Variants in CAPN12 observed in about 807,000 individuals in gnomAD.
CAPN12 encodes calpain-12.
CAPN12 carries 107 observed loss-of-function variants against 95.0 expected under a neutral mutation model. That is an observed-to-expected ratio of 1.13 (90% confidence interval 0.96 to 1.32). The LOEUF (loss-of-function observed/expected upper bound fraction) is 1.32. Among genes scored for constraint, CAPN12 ranks in the 40% most tolerant of loss-of-function variants. The pLI, the probability that CAPN12 is intolerant of heterozygous loss-of-function variation, is 0.00. For synonymous variants in CAPN12, 505 were observed against 415.5 expected (o/e 1.22, Z -2.62); for missense variants, 1,136 against 997.8 (o/e 1.14, Z -1.87).
At chr19:38,733,645 A>G in intron 18 of CAPN12, 58 bp downstream of exon 18, 1 of 1,472,056 alleles carries the variant, frequency 6.8e-7, no homozygotes, top group Non-Finnish European at 9.5e-7. Context: ...ACTTGGAGAC[A>G]ATGGGATGGG....
At chr19:38,732,622 T>G (rs1969710109) in intron 18 of CAPN12, among the ~76,000 whole-genome samples, 1 of 152,210 alleles carries the variant, frequency 6.6e-6, no homozygotes, top group Non-Finnish European at 1.5e-5. Flanking sequence ...ATTACAGGCG[T>G]GAGCCACCAC....
At chr19:38,741,990 C>T in intron 3 of CAPN12, 80 bp from the exon 4 acceptor site, 1 of 1,559,856 alleles carries the variant, frequency 6.4e-7, no homozygotes, top group Non-Finnish European at 8.7e-7. Context: ...GTGCCAGTCC[C>T]AGAGTCAGGA....
Position 38,730,891 on chromosome 19 carries a change from A to AGGAT in CAPN12, c.2134-14_2134-13insATCC. The AGGAT allele has an allele frequency of 6.4e-7, 1 of 1,551,590 alleles. No individual in the cohort carries two copies. Among genetic ancestry groups the AGGAT allele is most frequent in the Non-Finnish European group, 8.7e-7 (1 of 1,147,396 alleles). On this transcript the variant is annotated splice_polypyrimidine_tract_variant and intron_variant, in intron 20 of 20. Coordinates refer to ENST00000328867, the MANE Select transcript of CAPN12 (RefSeq NM_144691.4). ...CCACCTCCATCCACTAAGGAAGAGA[A>AGGAT]GGAAGACAGTGGCTTGAGGCAGGGA... is the stretch of plus-strand genomic sequence containing the variant.
chr19:38,737,401 G>GA lies in CAPN12; in HGVS notation c.1130-14dup. The GA allele has an allele frequency of 6.2e-7, 1 of 1,608,554 alleles. No individual in the cohort carries two copies. Among genetic ancestry groups the GA allele is most frequent in the Non-Finnish European group, 8.5e-7 (1 of 1,178,064 alleles). On this transcript the variant is annotated splice_polypyrimidine_tract_variant and intron_variant, in intron 9 of 20. Coordinates refer to ENST00000328867, the MANE Select transcript of CAPN12 (RefSeq NM_144691.4). Reference sequence around the variant, plus strand: ...GTCCAGAAGGTTTCTAAGGGAGGAGGAAAAAAGGGGGTTTCCTAGCCGGCC... The same window carrying GA: ...GTCCAGAAGGTTTCTAAGGGAGGAGGAAAAAAAGGGGGTTTCCTAGCCGGCC...
chr19:38,731,173 C>G lies in CAPN12; in HGVS notation c.2008G>C (p.Asp670His), dbSNP rs753093200. 1 of 1,613,208 alleles carries G rather than the reference C, an allele frequency of 6.2e-7. No homozygotes were observed. Among genetic ancestry groups the G allele is most frequent in the Admixed American group, 1.7e-5 (1 of 60,028 alleles). ...LTQTLTSRYR[D>H]SRLRVDFERF... ...TCGAAGTCCACACGCAGACGGCTAT[C>G]CCGGTAGCGGCTGGTGAGGGTCTGG... Residue 670 changes from aspartate to histidine, a missense_variant, in exon 19 of 21, where the codon GAT (aspartate) becomes CAT (histidine). Asp to His is a moderately conservative substitution (Grantham distance 81, BLOSUM62 -1). Coordinates refer to ENST00000328867, the MANE Select transcript of CAPN12 (RefSeq NM_144691.4).
intron 18 of CAPN12, among the ~76,000 whole-genome samples, chr19:38,732,627 C>T (rs1370719182): frequency 6.6e-6 from 1 of 152,228 alleles, no homozygotes; most frequent in Admixed American, 6.5e-5. Context: ...AGGCGTGAGC[C>T]ACCACGCCCG....
chr19:38,736,225 T>C lies in CAPN12; in HGVS notation c.1468A>G (p.Thr490Ala). The part of the protein sequence containing the change: ...RSPLSARRDV[T>A]RRCCLRPGHY... ...CCTGGACGCAGGCAGCAGCGGCGGG[T>C]CACGTCGCGGCGGGCGCTGAGGGGC... The change falls in exon 12 of 21, where the codon ACC becomes GCC. Residue 490 changes from threonine (T) to alanine (A), a missense_variant. Coordinates refer to ENST00000328867, the MANE Select transcript of CAPN12 (RefSeq NM_144691.4). 1 of 1,494,420 alleles carries C rather than the reference T, an allele frequency of 6.7e-7. No individual in the cohort carries two copies. The highest frequency in any genetic ancestry group is 1.3e-5 in the South Asian group (1 of 79,284). 92.6% of individuals were successfully genotyped at this position (1,494,420 alleles called of 1,614,324 possible). A position where few individuals can be genotyped will look rare whatever the true frequency, so the allele number is the denominator to read the frequency against.
intron 10 of CAPN12, 98 bp from the exon 11 acceptor site, chr19:38,736,661 C>CCTT: frequency 2.3e-6 from 3 of 1,315,706 alleles, no homozygotes; most frequent in Non-Finnish European, 3.1e-6. Flanking sequence ...CTCTCTCCCT[C>CCTT]CTTCTTCGTC....
In CAPN12 at chr19:38,737,393, GGGA is replaced by G. The variant is rs1970273247; in HGVS notation, c.1130-8_1130-6del. On this transcript the variant is annotated splice_polypyrimidine_tract_variant and splice_region_variant and intron_variant, in intron 9 of 20. Transcript: ENST00000328867. ...GAGGATTGGTCCAGAAGGTTTCTAA[GGGA>G]GGAGGAAAAAAGGGGGTTTCCTAGC... is the stretch of plus-strand genomic sequence containing the variant. The G allele has an allele frequency of 5.0e-6, 8 of 1,609,164 alleles. No individual in the cohort carries two copies. Among genetic ancestry groups the G allele is most frequent in the Non-Finnish European group, 5.9e-6 (7 of 1,178,472 alleles).
chr19:38,737,109 T>A (rs1163735914), intron 10 of CAPN12, 47 bp downstream of exon 10: 31 of 462,792 alleles, frequency 6.7e-5, no homozygotes, highest in East Asian at 2.6e-4. Flanking sequence ...GCCCCGCCCC[T>A]CCACCCTCCG....
Position 38,730,788 on chromosome 19 carries a change from G to GC in CAPN12, c.*63dup, listed in dbSNP as rs576013103. The GC allele has an allele frequency of 7.5e-5, 116 of 1,536,908 alleles. No individual in the cohort carries two copies. In the East Asian group the frequency reaches 2.5e-3, roughly 34 times the overall value. ...GAGAGTGGCACCCATGCCAGGCAAG[G>GC]CCTAGGGAGGTGGTCTTGCTCAGCA... is the stretch of plus-strand genomic sequence containing the variant. On this transcript the variant is annotated 3_prime_UTR_variant, in exon 21 of 21. Coordinates refer to ENST00000328867, the MANE Select transcript of CAPN12 (RefSeq NM_144691.4).
rs1969949201 is a variant in CAPN12, at chr19:38,735,354, C to T, written c.1686+16G>A. 1 of 1,568,934 alleles carries T rather than the reference C, an allele frequency of 6.4e-7. No individual in the cohort carries two copies. ...GCCGCAGCGGGATACCCCCTCAGTC[C>T]AATCCCCCTCCTCACCTCTCCAGCC... On this transcript the variant is annotated intron_variant, in intron 14 of 20. Coordinates refer to ENST00000328867, the MANE Select transcript of CAPN12 (RefSeq NM_144691.4).
rs752683225 is a variant in CAPN12, at chr19:38,741,781, C to T, written c.556G>A (p.Ala186Thr). 1.2e-5 allele frequency: 20 copies of T among 1,613,732 alleles called. No individual in the cohort carries two copies. Among genetic ancestry groups the T allele is most frequent in the Non-Finnish European group, 1.7e-5 (20 of 1,179,988 alleles). ...FWAPLLEKAY[A>T]KLHGSYEVMR... ...GGTTGGAACTGGGGTCCTCACTTGG[C>T]GTAGGCCTTCTCCAGGAGTGGGGCC... The change falls in exon 4 of 21, where the codon GCC becomes ACC. Residue 186 changes from alanine to threonine, a missense_variant. Transcript: ENST00000328867.
chr19:38,736,878 C>A, intron 10 of CAPN12: 1 of 567,028 alleles, frequency 1.8e-6, no homozygotes, highest in East Asian at 2.9e-5. Context: ...TCCCTTAGCT[C>A]CCTCTCCCCT....
At chr19:38,739,983 A>G (rs909934354) in intron 5 of CAPN12, 68 bp downstream of exon 5, 37 of 1,438,846 alleles carry the variant, frequency 2.6e-5, no homozygotes, top group Non-Finnish European at 3.2e-5. Flanking sequence ...CACTCCGCCC[A>G]CCCCACCACA....
chr19:38,736,565 T>A lies in CAPN12; in HGVS notation c.1363-2A>T, dbSNP rs776955818. Reference sequence around the variant, plus strand: ...TCCCAGACTCACCTCCTCTGGAATCTGAAAGAAGCAAGAGCAAGGGGCGTC... The same window carrying A: ...TCCCAGACTCACCTCCTCTGGAATCAGAAAGAAGCAAGAGCAAGGGGCGTC... On this transcript the variant is annotated splice_acceptor_variant, in intron 10 of 20. Coordinates refer to ENST00000328867, the MANE Select transcript of CAPN12 (RefSeq NM_144691.4). LOFTEE classifies it high-confidence loss of function. The A allele has an allele frequency of 6.4e-7, 1 of 1,562,486 alleles. No individual in the cohort carries two copies. Among genetic ancestry groups the A allele is most frequent in the Admixed American group, 1.8e-5 (1 of 55,076 alleles).
rs750271765 is a variant in CAPN12, at chr19:38,737,112, A to G, written c.1362+44T>C. The G allele has an allele frequency of 1.1e-4, 80 of 706,478 alleles. 1 individual carries two copies. The South Asian group carries it at 2.5e-3, about 22-fold the overall frequency. The allele number at this position is 706,478 out of a possible 1,614,324, so 43.8% of individuals were successfully genotyped here. A position where few individuals can be genotyped will look rare whatever the true frequency, so the allele number is the denominator to read the frequency against. On this transcript the variant is annotated intron_variant, in intron 10 of 20. Transcript: ENST00000328867. The stretch of plus-strand genomic sequence containing the variant: ...CTCCTTGGCCCGGCCCCGCCCCTCC[A>G]CCCTCCGGGTTCCCTCCAGCCTCAG...
intron 4 of CAPN12, among the ~76,000 whole-genome samples, chr19:38,741,492 G>C (rs956868618): frequency 6.6e-6 from 1 of 151,796 alleles, no homozygotes; most frequent in African/African-American, 2.4e-5. Context: ...AGAATCGCTG[G>C]AACCTGGGAG....
Position 38,736,097 on chromosome 19 carries a change from G to T in CAPN12, c.1583+13C>A. 1 of 1,486,604 alleles carries T rather than the reference G, an allele frequency of 6.7e-7. No homozygotes were observed. Among genetic ancestry groups the T allele is most frequent in the Non-Finnish European group, 8.9e-7 (1 of 1,121,410 alleles). 92.1% of individuals were successfully genotyped at this position (1,486,604 alleles called of 1,614,324 possible). A position where few individuals can be genotyped will look rare whatever the true frequency, so the allele number is the denominator to read the frequency against. On this transcript the variant is annotated intron_variant, in intron 12 of 20. Transcript: ENST00000328867. ...GGCAGGGATGGGGTCGGATTTGGGT[G>T]CCCGGGGCTCACACGGCCGTGTGGC...
Sources: allele counts gnomAD v4.1 joint callset (sites outside exome capture counted in the v4.1 genomes callset), GRCh38; gene constraint gnomAD v4.1.1; transcripts MANE v1.5; gene names NCBI Gene and HGNC (gene_info 2026-07-23, HGNC 2026-07-21).